Variants in ATP13A5 observed in about 807,000 individuals in gnomAD.
ATP13A5 encodes the protein ATPase 13A5, also known as probable cation-transporting ATPase 13A5.
In ATP13A5, 149 loss-of-function variants were observed where a neutral mutation model predicts 150.2. That is an observed-to-expected ratio of 0.99 (90% confidence interval 0.87 to 1.14). The LOEUF (loss-of-function observed/expected upper bound fraction) is 1.14, where lower values mean the gene tolerates loss of function less well. Among genes scored for constraint, ATP13A5 ranks in the 50% most tolerant of loss-of-function variants. ATP13A5 has a pLI of 0.00. For synonymous variants in ATP13A5, 497 were observed against 522.2 expected (o/e 0.95, Z 0.66); for missense variants, 1,383 against 1,449.3 (o/e 0.95, Z 0.74).
intron 1 of ATP13A5, 53 bp downstream of exon 1, chr3:193,378,610 A>G: frequency 6.8e-7 from 1 of 1,460,262 alleles, no homozygotes; most frequent in Non-Finnish European, 9.6e-7. Flanking sequence ...TGTAGCCCAT[A>G]CTCACCGCCT....
rs757366059 is a variant in ATP13A5, at chr3:193,305,545, A to G, written c.2678+14T>C. The stretch of plus-strand genomic sequence containing the variant: ...CCATTGATTGTAGGGCTGGAAGAGG[A>G]AAAAATGACTTACCTGATGAGATGA... On this transcript the variant is annotated intron_variant, in intron 23 of 29. Transcript: ENST00000342358. 29 of 1,605,672 alleles carry G rather than the reference A, an allele frequency of 1.8e-5. No homozygotes were observed. The South Asian group carries it at 2.7e-4, about 15-fold the overall frequency.
At chr3:193,367,000 A>G (rs1402471187) in intron 1 of ATP13A5, among the ~76,000 whole-genome samples, 1 of 152,098 alleles carries the variant, frequency 6.6e-6, no homozygotes, top group Non-Finnish European at 1.5e-5. Flanking sequence ...TTCGAACTGA[A>G]TGAAAATGAA....
intron 25 of ATP13A5, among the ~76,000 whole-genome samples, chr3:193,294,604 G>A (rs2108832604): frequency 6.6e-6 from 1 of 152,192 alleles, no homozygotes; most frequent in Non-Finnish European, 1.5e-5. Context: ...AATCAAATAT[G>A]TGATGGTATT....
At position 193,331,103 on chromosome 3, in the gene ATP13A5, C is replaced by A. The variant is rs750905554; in HGVS notation, c.1461+20G>T. The A allele has an allele frequency of 1.9e-6, 3 of 1,607,818 alleles. No individual in the cohort carries two copies. The highest frequency in any genetic ancestry group is 4.5e-5 in the East Asian group (2 of 44,816). ...TGCCTTGAAATCATTAACATTAAAC[C>A]TGAGAAGTCTGGATCATACTTTGTC... On this transcript the variant is annotated intron_variant, in intron 12 of 29. Transcript: ENST00000342358.
chr3:193,344,886 C>A, intron 8 of ATP13A5, 117 bp downstream of exon 8: 1 of 1,050,486 alleles, frequency 9.5e-7, no homozygotes, highest in South Asian at 1.4e-5. Context: ...CACCCTCGTC[C>A]CAGTTCTGGG....
intron 21 of ATP13A5, among the ~76,000 whole-genome samples, chr3:193,310,291 CTA>C (rs1050872332): frequency 2.6e-5 from 4 of 152,166 alleles, no homozygotes; most frequent in African/African-American, 9.7e-5. Flanking sequence ...TAGGTTGATT[CTA>C]TGTCTTTGCT....
intron 11 of ATP13A5, among the ~76,000 whole-genome samples, chr3:193,331,536 C>T (rs1201603111): frequency 6.6e-6 from 1 of 152,176 alleles, no homozygotes; most frequent in Non-Finnish European, 1.5e-5. Context: ...CCCCACTAGC[C>T]TACAAACTCC....
In ATP13A5 at chr3:193,281,566, C is replaced by T. The variant is rs1351604261; in HGVS notation, c.3227-2112G>A. Among the ~76,000 whole-genome samples the T allele has an allele frequency of 5.3e-5, 8 of 152,072 alleles. No homozygotes were observed. The East Asian group carries it at 1.5e-3, about 29-fold the overall frequency. On this transcript the variant is annotated intron_variant, in intron 27 of 29. Coordinates refer to ENST00000342358, the MANE Select transcript of ATP13A5 (RefSeq NM_198505.4). ...AGGTTAGTAATGTTCACATTTGTTT[C>T]CAGAAAAGTTAAGCCTCTACTTTTT...
rs916616097 is a variant in ATP13A5 at position 193,362,549 on chromosome 3, A to G, written c.455+18T>C. 1.2e-6 allele frequency: 2 copies of G among 1,614,042 alleles called. No homozygotes were observed. Among genetic ancestry groups the G allele is most frequent in the Non-Finnish European group, 1.7e-6 (2 of 1,179,884 alleles). On this transcript the variant is annotated intron_variant, in intron 4 of 29. Coordinates refer to ENST00000342358, the MANE Select transcript of ATP13A5 (RefSeq NM_198505.4). ...TCCCCTATATCCTGACCAAGGGGTG[A>G]CAAAACATTGTACTTACCCAACTTT...
chr3:193,327,133 G>T, intron 12 of ATP13A5, 76 bp from the exon 13 acceptor site: 1 of 1,338,064 alleles, frequency 7.5e-7, no homozygotes, highest in Non-Finnish European at 1.0e-6. Flanking sequence ...CAAAACCCAA[G>T]TTTCTAAGAT....
chr3:193,337,928 T>C (rs944746435), intron 9 of ATP13A5, among the ~76,000 whole-genome samples: 2 of 152,210 alleles, frequency 1.3e-5, no homozygotes, highest in African/African-American at 2.4e-5. Context: ...TTTGTAGTTC[T>C]CCTTGAAGAG....
Position 193,274,845 on chromosome 3 carries a change from T to A in ATP13A5, c.*197A>T. ...AGGATGATACAGGAAATGCATTTTT[T>A]TCTCTCATTGGTAAAGCATACAGTC... On this transcript the variant is annotated 3_prime_UTR_variant, in exon 30 of 30. Coordinates refer to ENST00000342358, the MANE Select transcript of ATP13A5 (RefSeq NM_198505.4). 1.5e-6 allele frequency: 1 copy of A among 677,348 alleles called. No individual in the cohort carries two copies. Among genetic ancestry groups the A allele is most frequent in the Non-Finnish European group, 2.5e-6 (1 of 404,696 alleles). 42.0% of individuals were successfully genotyped at this position (677,348 alleles called of 1,614,324 possible). A position where few individuals can be genotyped will look rare whatever the true frequency, so the allele number is the denominator to read the frequency against.
intron 26 of ATP13A5, among the ~76,000 whole-genome samples, chr3:193,289,582 G>A (rs1254940299): frequency 6.6e-5 from 10 of 151,970 alleles, no homozygotes; most frequent in African/African-American, 1.9e-4. Context: ...TTTACTATCC[G>A]GCCCTCTAAG....
chr3:193,376,629 T>C (rs1270591952), intron 1 of ATP13A5, among the ~76,000 whole-genome samples: 2 of 152,280 alleles, frequency 1.3e-5, no homozygotes, highest in East Asian at 1.9e-4. Flanking sequence ...GCCACACAGA[T>C]TGACCCATCA....
Position 193,351,122 on chromosome 3 carries a change from G to T in ATP13A5, c.686C>A (p.Ala229Asp), listed in dbSNP as rs775687181. The T allele has an allele frequency of 1.9e-5, 31 of 1,613,656 alleles. No individual in the cohort carries two copies. Among genetic ancestry groups the T allele is most frequent in the African/African-American group, 2.7e-5 (2 of 74,906 alleles). Reference protein sequence around the residue: ...LSQGYIEYSVAIIILTVISIV... With the variant: ...LSQGYIEYSVDIIILTVISIV... ...GGAGATAACAGTCAAAATGATGATG[G>T]CCACAGAGTATTCTATGTAACCTTG... Residue 229 changes from alanine (A) to aspartate (D), a missense_variant, in exon 7 of 30, where the codon GCC becomes GAC. Physicochemically the swap from Ala to Asp is moderately radical, Grantham distance 126. Around this residue, in one of 3 missense-constraint regions of ATP13A5, gnomAD observed 787 missense variants for 771.9 expected, o/e 1.02. Coordinates refer to ENST00000342358, the MANE Select transcript of ATP13A5 (RefSeq NM_198505.4).
chr3:193,285,888 A>G (rs1464330213), intron 26 of ATP13A5, among the ~76,000 whole-genome samples: 1 of 152,248 alleles, frequency 6.6e-6, no homozygotes, highest in Non-Finnish European at 1.5e-5. Flanking sequence ...TCTCGGTTAA[A>G]GGCAATAACA....
intron 1 of ATP13A5, among the ~76,000 whole-genome samples, chr3:193,367,124 C>G (rs1713266019): frequency 6.6e-6 from 1 of 151,758 alleles, no homozygotes; most frequent in Admixed American, 6.6e-5. Flanking sequence ...ATAAACTAAG[C>G]TTCCAATTCA....
rs1577334795 is a variant in ATP13A5, at chr3:193,301,241, G to A, written c.2745C>T (p.Ile915=). 1 of 1,613,374 alleles carries A rather than the reference G, an allele frequency of 6.2e-7. No homozygotes were observed. The change falls in exon 24 of 30, where the codon ATC becomes ATT. Residue 915 remains isoleucine (I), a synonymous_variant. Coordinates refer to ENST00000342358, the MANE Select transcript of ATP13A5 (RefSeq NM_198505.4). The stretch of plus-strand genomic sequence containing the variant: ...AGAGCAGTAATGCACTGATAAACTG[G>A]ATTATGCCGTACATGGTCAAGTATT... ...VFKYLTMYGI[I]QFISALLLYW...
In ATP13A5 at chr3:193,301,452, C is replaced by T. The variant is rs564631923; in HGVS notation, c.2679-145G>A. ...GAATTCATCCTCCTATTTATTTAAC[C>T]ACTCATTCATTCATTCTCTCCTTCA... On this transcript the variant is annotated intron_variant, in intron 23 of 29. Coordinates refer to ENST00000342358, the MANE Select transcript of ATP13A5 (RefSeq NM_198505.4). 690 of 629,206 alleles carry T rather than the reference C, an allele frequency of 1.1e-3. 1 individual carries two copies. Among genetic ancestry groups the T allele is most frequent in the Non-Finnish European group, 1.7e-3 (592 of 358,256 alleles). The allele number at this position is 629,206 out of a possible 1,614,324, so 39.0% of individuals were successfully genotyped here.
Sources: gnomAD v4.1 joint callset for allele counts (sites outside exome capture counted in the v4.1 genomes callset) on GRCh38, gnomAD v4.1.1 for gene constraint, gnomAD v4.1.1 regional missense constraint, MANE v1.5 for transcripts, NCBI Gene and HGNC (gene_info 2026-07-23, HGNC 2026-07-21) for gene names.